Variants in PHC2 observed in about 807,000 individuals in gnomAD.
The protein encoded by PHC2 is polyhomeotic homolog 2.
In PHC2, 29 loss-of-function variants were observed where a neutral mutation model predicts 87.4. The ratio of observed to expected loss-of-function variants is 0.33; its 90% CI spans 0.25 to 0.45. The LOEUF (loss-of-function observed/expected upper bound fraction) is 0.45. PHC2 is among the 20% of genes least tolerant of loss of function. PHC2 has a pLI of 1.00. For synonymous variants in PHC2, 438 were observed against 461.7 expected (o/e 0.95, Z 0.66); for missense variants, 857 against 1,136.7 (o/e 0.75, Z 3.54).
At chr1:33,405,482 C>T (rs1163057907) in intron 1 of PHC2, among the ~76,000 whole-genome samples, 1 of 152,196 alleles carries the variant, frequency 6.6e-6, no homozygotes, top group African/African-American at 2.4e-5. Flanking sequence ...TGAACCACTA[C>T]ACCCGGCAGC....
At chr1:33,394,554 C>T (rs1649218473) in intron 1 of PHC2, among the ~76,000 whole-genome samples, 1 of 151,970 alleles carries the variant, frequency 6.6e-6, no homozygotes, top group South Asian at 2.1e-4. Flanking sequence ...AGCAGAGAGG[C>T]AATGTTTTTA....
rs867681993 is a variant in PHC2, at chr1:33,364,408, A to G, written c.976+2708T>C. The stretch of plus-strand genomic sequence containing the variant: ...CTTGCTTTCACACACACACACACAC[A>G]CACACACACACACACACGCTCAAGC... On this transcript the variant is annotated intron_variant, in intron 7 of 14. Coordinates refer to ENST00000683057, the MANE Select transcript of PHC2 (RefSeq NM_001385109.1). The surrounding 1 kb of genome is among the most constrained non-coding windows in gnomAD (Gnocchi z 4.1). Among the ~76,000 whole-genome samples the G allele has an allele frequency of 8.8e-5, 10 of 113,716 alleles. No homozygotes were observed. Among genetic ancestry groups the G allele is most frequent in the Non-Finnish European group, 1.0e-4 (6 of 58,180 alleles). The allele number at this position is 113,716 out of a possible 152,430, so 74.6% of individuals were successfully genotyped here. A position where few individuals can be genotyped will look rare whatever the true frequency, so the allele number is the denominator to read the frequency against.
At chr1:33,325,844 C>A in intron 14 of PHC2, 1 of 456,510 alleles carries the variant, frequency 2.2e-6, no homozygotes. Flanking sequence ...TGGGCGTGGC[C>A]TCAGAACTGG....
At chr1:33,370,656 C>A in intron 4 of PHC2, 71 bp from the exon 5 acceptor site, 1 of 1,419,458 alleles carries the variant, frequency 7.0e-7, no homozygotes, top group Admixed American at 2.1e-5. Flanking sequence ...TCATCCATTT[C>A]TTTCTCCCCC....
intron 1 of PHC2, among the ~76,000 whole-genome samples, chr1:33,380,428 A>G (rs1557841071): frequency 6.6e-6 from 1 of 152,130 alleles, no homozygotes; most frequent in Non-Finnish European, 1.5e-5. Flanking sequence ...GCATATTAAT[A>G]TTTGTCCTTT....
chr1:33,356,557 C>T (rs1647090718), intron 7 of PHC2, among the ~76,000 whole-genome samples: 1 of 151,738 alleles, frequency 6.6e-6, no homozygotes, highest in Non-Finnish European at 1.5e-5. Flanking sequence ...GCCCTTAATC[C>T]ATTTAACCCT....
In PHC2 at chr1:33,332,225, C is replaced by G. The variant is rs781004612; in HGVS notation, c.1891+50G>C. The stretch of plus-strand genomic sequence containing the variant: ...GAGAGAGGAAGTGTGTGAGGCCTGC[C>G]TTTCCAGCCACGCTGGGAGGCCGAG... On this transcript the variant is annotated intron_variant, in intron 11 of 14. Transcript: ENST00000683057. The surrounding 1 kb of genome is among the most constrained non-coding windows in gnomAD (Gnocchi z 4.2). The G allele has an allele frequency of 1.4e-5, 23 of 1,612,014 alleles. No individual in the cohort carries two copies. The South Asian group carries it at 2.4e-4, about 17-fold the overall frequency.
intron 1 of PHC2, among the ~76,000 whole-genome samples, chr1:33,396,807 C>G (rs1310898408): frequency 6.6e-6 from 1 of 152,188 alleles, no homozygotes; most frequent in Non-Finnish European, 1.5e-5. Flanking sequence ...GAGGTAGAGG[C>G]TTTGCAAGCT....
chr1:33,400,097 A>G (rs1438177186), intron 1 of PHC2, among the ~76,000 whole-genome samples: 2 of 152,226 alleles, frequency 1.3e-5, no homozygotes, highest in Non-Finnish European at 2.9e-5. Flanking sequence ...GAGATGCAGG[A>G]CAAACTAAGT....
In PHC2 at chr1:33,334,067, AG is replaced by A. The variant is rs779494249; in HGVS notation, c.1761+22del. 1.3e-6 allele frequency: 2 copies of A among 1,539,306 alleles called. No individual in the cohort carries two copies. Among genetic ancestry groups the A allele is most frequent in the Non-Finnish European group, 1.8e-6 (2 of 1,132,566 alleles). On this transcript the variant is annotated intron_variant, in intron 10 of 14. Coordinates refer to ENST00000683057, the MANE Select transcript of PHC2 (RefSeq NM_001385109.1). This position sits in a 1 kb window ranked among gnomAD's most constrained non-coding sequence, Gnocchi z 5.5. Reference sequence around the variant, plus strand: ...CATCCAAAATATACTTAAAAAAAAAAGGGGAAAAGAAGTAGTCCGTACCGGG... The same window carrying A: ...CATCCAAAATATACTTAAAAAAAAAAGGGAAAAGAAGTAGTCCGTACCGGG...
At chr1:33,348,489 A>G (rs1272535740) in intron 9 of PHC2, among the ~76,000 whole-genome samples, 1 of 152,250 alleles carries the variant, frequency 6.6e-6, no homozygotes, top group East Asian at 1.9e-4. Context: ...CCAGGTCAGT[A>G]GGCTGTGGTA....
rs1648277561 is a variant in PHC2 at position 33,378,159 on chromosome 1, G to C, written c.-54-2566C>G. Among the ~76,000 whole-genome samples, 9 of 152,200 alleles carry C rather than the reference G, an allele frequency of 5.9e-5. No homozygotes were observed. In the South Asian group the frequency reaches 1.7e-3, roughly 28 times the overall value. Reference sequence around the variant, plus strand: ...GCTTATGATGATAATGATGATGCAGGAATCAATGAAGCAGCAAAGTCAACA... The same window carrying C: ...GCTTATGATGATAATGATGATGCAGCAATCAATGAAGCAGCAAAGTCAACA... On this transcript the variant is annotated intron_variant, in intron 1 of 14. Transcript: ENST00000683057.
intron 9 of PHC2, chr1:33,350,002 C>A (rs903505134): frequency 8.3e-5 from 22 of 263,640 alleles, no homozygotes; most frequent in African/African-American, 4.9e-4. Flanking sequence ...GGACACGGGC[C>A]GCGCGCTTCC....
Position 33,370,557 on chromosome 1 carries a change from G to T in PHC2, c.440C>A (p.Ala147Asp). The T allele has an allele frequency of 6.2e-7, 1 of 1,613,674 alleles. No individual in the cohort carries two copies. Among genetic ancestry groups the T allele is most frequent in the Non-Finnish European group, 8.5e-7 (1 of 1,179,626 alleles). The change falls in exon 5 of 15, where the codon GCC becomes GAC. Residue 147 changes from alanine (A) to aspartate (D), a missense_variant. Ala to Asp is a moderately radical substitution (Grantham distance 126, BLOSUM62 -2). Coordinates refer to ENST00000683057, the MANE Select transcript of PHC2 (RefSeq NM_001385109.1). ...ACTCTGGGCCCGGTTGAGGAGCTGG[G>T]CTGCTGCTGGGGAGGCTGCCAGGTT... ...SINLAASPAA[A>D]QLLNRAQSVN...
intron 1 of PHC2, among the ~76,000 whole-genome samples, chr1:33,401,431 G>GA (rs1180275135): frequency 1.3e-5 from 2 of 152,176 alleles, no homozygotes; most frequent in Non-Finnish European, 2.9e-5. Flanking sequence ...GAATTGCCCT[G>GA]ATATCGAGCT....
chr1:33,425,306 T>C (rs969955187), intron 1 of PHC2, among the ~76,000 whole-genome samples: 1 of 152,204 alleles, frequency 6.6e-6, no homozygotes, highest in African/African-American at 2.4e-5. Flanking sequence ...CATTTAACCT[T>C]CAACAACGAT....
chr1:33,420,916 T>G (rs1650409910), intron 1 of PHC2, among the ~76,000 whole-genome samples: 1 of 152,332 alleles, frequency 6.6e-6, no homozygotes, highest in East Asian at 1.9e-4. Context: ...CAGACTATTT[T>G]CACCTCTTTG....
Position 33,332,206 on chromosome 1 carries a change from G to A in PHC2, c.1891+69C>T. On this transcript the variant is annotated intron_variant, in intron 11 of 14. Coordinates refer to ENST00000683057, the MANE Select transcript of PHC2 (RefSeq NM_001385109.1). This position sits in a 1 kb window ranked among gnomAD's most constrained non-coding sequence, Gnocchi z 4.2. ...GGGTTCCTCTGGGGAAACAGAGAGA[G>A]GAAGTGTGTGAGGCCTGCCTTTCCA... 6.3e-7 allele frequency: 1 copy of A among 1,578,196 alleles called. No individual in the cohort carries two copies. The highest frequency in any genetic ancestry group is 8.7e-7 in the Non-Finnish European group (1 of 1,148,560).
chr1:33,344,451 C>G (rs1646808177), intron 9 of PHC2, among the ~76,000 whole-genome samples: 1 of 152,116 alleles, frequency 6.6e-6, no homozygotes, highest in African/African-American at 2.4e-5. Context: ...CAAATCAGTT[C>G]TATTGATCAT....
Sources: gnomAD v4.1 joint callset for allele counts (sites outside exome capture counted in the v4.1 genomes callset) on GRCh38, gnomAD v4.1.1 for gene constraint, Gnocchi (gnomAD v3.1) non-coding constraint, MANE v1.5 for transcripts, NCBI Gene and HGNC (gene_info 2026-07-23, HGNC 2026-07-21) for gene names.